RUFY3: variants seen among roughly 807,000 people sequenced by gnomAD.
RUFY3 encodes protein RUFY3.
Under a neutral mutation model 84.0 loss-of-function variants are expected in RUFY3, and 34 were observed. That is an observed-to-expected ratio of 0.40 (90% CI 0.31 to 0.54). The LOEUF is 0.54. RUFY3 is among the 20% of genes least tolerant of loss of function. The pLI is 0.39. For missense variants in RUFY3, 507 were observed against 736.8 expected, an observed-to-expected ratio of 0.69 and a Z score of 3.61; for synonymous variants, 242 against 252.9, an observed-to-expected ratio of 0.96 and a Z score of 0.41.
chr4:70,782,049 T>C (rs1022425120), intron 8 of RUFY3, among the ~76,000 whole-genome samples: 1 of 152,194 alleles, frequency 6.6e-6, no homozygotes, highest in Non-Finnish European at 1.5e-5. Context: ...TCTTTTAGCA[T>C]GAGAACTTTG....
upstream of RUFY3, among the ~76,000 whole-genome samples, chr4:70,721,321 C>T (rs1295137170): frequency 6.6e-6 from 1 of 151,520 alleles, no homozygotes; most frequent in African/African-American, 2.4e-5. Context: ...AAAAAAGAAA[C>T]GTATTTTATG....
intron 1 of RUFY3, chr4:70,705,435 C>T (rs971611492): frequency 3.7e-6 from 2 of 546,316 alleles, no homozygotes; most frequent in African/African-American, 4.0e-5. Context: ...TAGGGGCTAC[C>T]CTCGGGAAGC....
chr4:70,733,139 A>AGGGG (rs1170301233), intron 1 of RUFY3, among the ~76,000 whole-genome samples: 3 of 89,558 alleles, frequency 3.3e-5, no homozygotes, highest in South Asian at 3.8e-4. Context: ...GGAGGGAGGG[A>AGGGG]GAGAGAGAGA....
chr4:70,783,492 T>C (rs1040441982), intron 9 of RUFY3, among the ~76,000 whole-genome samples: 1 of 152,254 alleles, frequency 6.6e-6, no homozygotes. Context: ...AACATACTAT[T>C]ACTTTTATAG....
intron 1 of RUFY3, among the ~76,000 whole-genome samples, chr4:70,760,222 T>C (rs1297665263): frequency 1.3e-5 from 2 of 152,196 alleles, no homozygotes; most frequent in African/African-American, 4.8e-5. Context: ...AAGAACAAGA[T>C]GAGAAAATGT....
chr4:70,736,802 C>G (rs1204275441), intron 1 of RUFY3, among the ~76,000 whole-genome samples: 3 of 152,156 alleles, frequency 2.0e-5, no homozygotes, highest in African/African-American at 4.8e-5. Context: ...AAACTCCTGA[C>G]CTCAGGTGAT....
intron 7 of RUFY3, among the ~76,000 whole-genome samples, chr4:70,775,906 A>G (rs1183142762): frequency 1.4e-5 from 2 of 141,290 alleles, no homozygotes; most frequent in Admixed American, 1.5e-4. Context: ...TTGCCATTAC[A>G]CCCCACCCTG....
At position 70,764,244 on chromosome 4, in the gene RUFY3, T is replaced by C. The variant is rs554571056; in HGVS notation, c.471-231T>C. On this transcript the variant is annotated intron_variant, in intron 3 of 17. Coordinates refer to ENST00000381006, the MANE Select transcript of RUFY3 (RefSeq NM_001037442.4). ...AGTTGGGTCTCCCAGAGGCTGTGTC[T>C]TCAAATTGTAGTTACATTCAGTAAT... 6.6e-5 allele frequency among the ~76,000 whole-genome samples: 10 copies of C among 152,370 alleles called. No individual in the cohort carries two copies. The South Asian group carries it at 2.1e-3, about 32-fold the overall frequency.
At chr4:70,738,895 G>T (rs925222179) in intron 1 of RUFY3, among the ~76,000 whole-genome samples, 1 of 151,610 alleles carries the variant, frequency 6.6e-6, no homozygotes, top group Non-Finnish European at 1.5e-5. Flanking sequence ...GTTTCAGTCT[G>T]TCAAGTAGCC....
At chr4:70,712,642 G>C (rs928844867) in intron 1 of RUFY3, among the ~76,000 whole-genome samples, 1 of 152,098 alleles carries the variant, frequency 6.6e-6, no homozygotes, top group African/African-American at 2.4e-5. Context: ...TTCTAGTATG[G>C]GCTATAGATA....
At chr4:70,727,640 AG>A (rs978998617) in intron 1 of RUFY3, among the ~76,000 whole-genome samples, 3 of 150,896 alleles carry the variant, frequency 2.0e-5, no homozygotes, top group African/African-American at 7.3e-5. Flanking sequence ...ACAAAAAATT[AG>A]CTGGGCGTGG....
chr4:70,714,178 T>C (rs1199040385), intron 1 of RUFY3, among the ~76,000 whole-genome samples: 1 of 152,120 alleles, frequency 6.6e-6, no homozygotes, highest in African/African-American at 2.4e-5. Flanking sequence ...AGAGTCCACA[T>C]GCTATGTCAC....
At chr4:70,773,669 G>A (rs758863505) in intron 6 of RUFY3, 97 bp downstream of exon 6, 24 of 750,710 alleles carry the variant, frequency 3.2e-5, no homozygotes, top group Non-Finnish European at 4.7e-5. Flanking sequence ...TTTAACAGAC[G>A]TGCTGAAAGA....
In RUFY3 at chr4:70,767,999, A is replaced by AT. The variant is rs1479003966; in HGVS notation, c.573-530dup. Reference sequence around the variant, plus strand: ...CAGCCAATAATTTTTATCCATTCAGATTTTTTTTTGTTTTTAGTAGAGATG... The same window carrying AT: ...CAGCCAATAATTTTTATCCATTCAGATTTTTTTTTTGTTTTTAGTAGAGATG... On this transcript the variant is annotated intron_variant, in intron 4 of 17. Coordinates refer to ENST00000381006, the MANE Select transcript of RUFY3 (RefSeq NM_001037442.4). Among the ~76,000 whole-genome samples, 29 of 150,932 alleles carry AT rather than the reference A, an allele frequency of 1.9e-4. 1 individual carries two copies. In the South Asian group the frequency reaches 4.4e-3, roughly 23 times the overall value.
Position 70,721,977 on chromosome 4 carries a change from G to C in RUFY3, c.-597G>C, listed in dbSNP as rs1271846199. 8.1e-7 allele frequency: 1 copy of C among 1,232,022 alleles called. No homozygotes were observed. Among genetic ancestry groups the C allele is most frequent in the African/African-American group, 1.6e-5 (1 of 64,408 alleles). 76.3% of individuals were successfully genotyped at this position (1,232,022 alleles called of 1,614,324 possible). On this transcript the variant is annotated 5_prime_UTR_variant, in exon 1 of 18. Coordinates refer to ENST00000381006, the MANE Select transcript of RUFY3 (RefSeq NM_001037442.4). ...AATTTTCAGTTCAGTTCATTAGTCAGCCATTTTGGTCAACACCCTGCTTAC... is the reference window on the plus strand; with the variant it reads ...AATTTTCAGTTCAGTTCATTAGTCACCCATTTTGGTCAACACCCTGCTTAC...
intron 1 of RUFY3, among the ~76,000 whole-genome samples, chr4:70,759,356 T>TTGTGTG (rs1553911985): frequency 2.5e-5 from 3 of 119,910 alleles, no homozygotes; most frequent in African/African-American, 9.6e-5. Context: ...ATGGCTGAAT[T>TTGTGTG]TGTGTGTGTG....
chr4:70,783,239 GTAAAGGGGAGTCTC>G (rs1729238328), intron 9 of RUFY3, 56 bp downstream of exon 9: 3 of 1,084,654 alleles, frequency 2.8e-6, no homozygotes, highest in Non-Finnish European at 4.2e-6. Flanking sequence ...CTTGTTAGTG[GTAAAGGGGAGTCTC>G]TAAAGGACTA....
intron 1 of RUFY3, among the ~76,000 whole-genome samples, chr4:70,715,927 C>G (rs564027927): frequency 6.6e-6 from 1 of 152,200 alleles, no homozygotes; most frequent in African/African-American, 2.4e-5. Flanking sequence ...TCCTGGCTAA[C>G]CTGGTGAAAC....
Position 70,775,154 on chromosome 4 carries a change from TCCCCTTC to T in RUFY3, c.759-9_759-3del. On this transcript the variant is annotated splice_polypyrimidine_tract_variant and splice_region_variant and intron_variant, in intron 6 of 17. Coordinates refer to ENST00000381006, the MANE Select transcript of RUFY3 (RefSeq NM_001037442.4). Reference sequence around the variant, plus strand: ...GTTATTTATTTTATTTCTATTTTCTTCCCCTTCCCCCAGAGACGGTCAGATTACTGCA... The same window carrying T: ...GTTATTTATTTTATTTCTATTTTCTTCCCCAGAGACGGTCAGATTACTGCA... The T allele has an allele frequency of 6.3e-7, 1 of 1,576,246 alleles. No individual in the cohort carries two copies. The highest frequency in any genetic ancestry group is 2.3e-5 in the East Asian group (1 of 43,902).
Sources: allele counts gnomAD v4.1 joint callset (sites outside exome capture counted in the v4.1 genomes callset), GRCh38; gene constraint gnomAD v4.1.1; transcripts MANE v1.5; gene names NCBI Gene and HGNC (gene_info 2026-07-23, HGNC 2026-07-21).